The following GRID2 variants were observed in gnomAD, a reference collection of about 807,000 sequenced individuals.
GRID2 encodes the protein glutamate ionotropic receptor delta type subunit 2.
A neutral mutation model predicts 114.8 loss-of-function variants in GRID2; 33 were observed. That is an observed-to-expected ratio of 0.29 (90% CI 0.22 to 0.38). The LOEUF is 0.38. Ranked by LOEUF, GRID2 falls within the 10% of genes least tolerant of loss-of-function variation. The pLI, the probability that GRID2 is intolerant of heterozygous loss-of-function variation, is 1.00. For synonymous variants in GRID2, 505 were observed against 449.9 expected (o/e 1.12, Z -1.55); for missense variants, 1,184 against 1,257.7 (o/e 0.94, Z 0.89).
chr4:93,010,956 G>A (rs1288635598), intron 2 of GRID2, among the ~76,000 whole-genome samples: 1 of 151,924 alleles, frequency 6.6e-6, no homozygotes, highest in Non-Finnish European at 1.5e-5. Flanking sequence ...AATGGCTGAT[G>A]CTTTGCTGCT....
intron 14 of GRID2, among the ~76,000 whole-genome samples, chr4:93,631,624 A>G (rs1001208396): frequency 1.3e-5 from 2 of 152,134 alleles, no homozygotes; most frequent in Admixed American, 6.5e-5. Context: ...ATTGTTGGAC[A>G]TTTGGCTTGG....
At chr4:93,128,608 G>A (rs148016115) in intron 4 of GRID2, among the ~76,000 whole-genome samples, 14 of 152,224 alleles carry the variant, frequency 9.2e-5, no homozygotes, top group African/African-American at 2.6e-4. Flanking sequence ...AGATGGCAAC[G>A]ATGATTCCCT....
intron 11 of GRID2, among the ~76,000 whole-genome samples, chr4:93,489,415 C>G (rs1011066093): frequency 6.6e-6 from 1 of 151,854 alleles, no homozygotes; most frequent in Admixed American, 6.6e-5. Context: ...GATCAGTATA[C>G]ATAGAGTCTT....
intron 2 of GRID2, among the ~76,000 whole-genome samples, chr4:92,664,301 A>G (rs1484060941): frequency 6.6e-6 from 1 of 150,516 alleles, no homozygotes; most frequent in African/African-American, 2.4e-5. Flanking sequence ...TTTTGATTCT[A>G]TTTTCTAGTT....
At chr4:92,976,450 T>A (rs2149180262) in intron 2 of GRID2, among the ~76,000 whole-genome samples, 1 of 152,278 alleles carries the variant, frequency 6.6e-6, no homozygotes, top group Non-Finnish European at 1.5e-5. Flanking sequence ...GTGCTGTGTG[T>A]GTTCTATAAC....
intron 8 of GRID2, among the ~76,000 whole-genome samples, chr4:93,355,966 C>A (rs933240805): frequency 6.6e-6 from 1 of 151,962 alleles, no homozygotes; most frequent in Non-Finnish European, 1.5e-5. Flanking sequence ...TAATTATTAC[C>A]CAGAACATCA....
chr4:93,451,280 G>A (rs546049275), intron 10 of GRID2, among the ~76,000 whole-genome samples: 2 of 152,138 alleles, frequency 1.3e-5, no homozygotes, highest in South Asian at 4.1e-4. Flanking sequence ...AGGAAAGTGA[G>A]GAATGTAAAC....
intron 10 of GRID2, among the ~76,000 whole-genome samples, chr4:93,452,809 G>T (rs1722808241): frequency 1.3e-5 from 2 of 151,686 alleles, no homozygotes; most frequent in African/African-American, 4.8e-5. Context: ...ATAAATAATT[G>T]TCTTTGATTA....
intron 13 of GRID2, among the ~76,000 whole-genome samples, chr4:93,625,591 G>T (rs972448484): frequency 3.3e-5 from 5 of 152,160 alleles, no homozygotes; most frequent in Admixed American, 3.3e-4. Flanking sequence ...ACACAATAGA[G>T]AGTAATAATA....
chr4:93,768,332 G>A (rs1203654604), intron 14 of GRID2, among the ~76,000 whole-genome samples: 1 of 152,190 alleles, frequency 6.6e-6, no homozygotes, highest in South Asian at 2.1e-4. Flanking sequence ...GTGAAAAAGG[G>A]CATAGCTGGA....
chr4:92,974,981 C>A (rs982309883), intron 2 of GRID2, among the ~76,000 whole-genome samples: 29 of 151,344 alleles, frequency 1.9e-4, no homozygotes, highest in Admixed American at 5.9e-4. Context: ...CACGGTGAAA[C>A]CCCGTCTCTA....
chr4:92,965,481 A>C (rs969800636), intron 2 of GRID2, among the ~76,000 whole-genome samples: 11 of 100,540 alleles, frequency 1.1e-4, no homozygotes, highest in East Asian at 6.4e-4. Context: ...AAAAAAAAAA[A>C]AAAAAAAACA....
intron 2 of GRID2, among the ~76,000 whole-genome samples, chr4:93,048,634 T>C (rs1455185775): frequency 2.6e-5 from 4 of 152,122 alleles, no homozygotes; most frequent in Non-Finnish European, 5.9e-5. Context: ...AAAATGTTCC[T>C]GTCCACTTAT....
chr4:93,426,092 T>C (rs142067107), intron 10 of GRID2, among the ~76,000 whole-genome samples: 2 of 152,178 alleles, frequency 1.3e-5, no homozygotes, highest in East Asian at 3.9e-4. Flanking sequence ...TGGAGAAGAG[T>C]AGAAATAAAA....
intron 14 of GRID2, among the ~76,000 whole-genome samples, chr4:93,751,362 A>T (rs1390108504): frequency 1.3e-5 from 2 of 152,184 alleles, no homozygotes; most frequent in Admixed American, 6.5e-5. Context: ...ATGAGACTCT[A>T]TAATTAAAGT....
intron 1 of GRID2, among the ~76,000 whole-genome samples, chr4:92,421,125 TA>T (rs1731888661): frequency 6.6e-6 from 1 of 152,152 alleles, no homozygotes; most frequent in Non-Finnish European, 1.5e-5. Context: ...CTGCACCTTT[TA>T]CATGATCAGC....
At chr4:92,793,251 G>C (rs1739680292) in intron 2 of GRID2, among the ~76,000 whole-genome samples, 1 of 151,454 alleles carries the variant, frequency 6.6e-6, no homozygotes, top group Non-Finnish European at 1.5e-5. Context: ...ATTTTGCCTA[G>C]AATGTTCATT....
At chr4:92,307,047 G>A (rs1324167993) in intron 1 of GRID2, among the ~76,000 whole-genome samples, 1 of 152,022 alleles carries the variant, frequency 6.6e-6, no homozygotes, top group African/African-American at 2.4e-5. Flanking sequence ...AAAAAATGAT[G>A]ACGGGTAGTA....
At chr4:92,737,149 G>T (rs922857588) in intron 2 of GRID2, among the ~76,000 whole-genome samples, 6 of 152,030 alleles carry the variant, frequency 3.9e-5, no homozygotes, top group Non-Finnish European at 7.4e-5. Flanking sequence ...GGCATGTACA[G>T]TTTGCCCTAT....
Sources: gnomAD v4.1 joint callset for allele counts (sites outside exome capture counted in the v4.1 genomes callset) on GRCh38, gnomAD v4.1.1 for gene constraint, MANE v1.5 for transcripts, NCBI Gene and HGNC (gene_info 2026-07-23, HGNC 2026-07-21) for gene names.